DGLUCY: variants seen among roughly 807,000 people sequenced by gnomAD.
DGLUCY encodes D-glutamate cyclase, also known as D-glutamate cyclase, mitochondrial.
Under a neutral mutation model 58.5 loss-of-function variants are expected in DGLUCY, and 58 were observed. That is an observed-to-expected ratio of 0.99 (90% CI 0.80 to 1.23). DGLUCY has a LOEUF of 1.23. Ranked by LOEUF, DGLUCY falls within the 50% of genes most tolerant of loss-of-function variation. The pLI, the probability that DGLUCY is intolerant of heterozygous loss-of-function variation, is 0.00. For synonymous variants in DGLUCY, 325 were observed against 314.1 expected, an observed-to-expected ratio of 1.03 and a Z score of -0.37; for missense variants, 779 against 784.7, an observed-to-expected ratio of 0.99 and a Z score of 0.09.
At chr14:91,166,971 C>G (rs2048319389) in intron 3 of DGLUCY, among the ~76,000 whole-genome samples, 1 of 151,978 alleles carries the variant, frequency 6.6e-6, no homozygotes. Flanking sequence ...TTTTTAGTCT[C>G]TACTAAAAAT....
At chr14:91,198,554 C>G (rs984746702) in intron 10 of DGLUCY, among the ~76,000 whole-genome samples, 1 of 152,042 alleles carries the variant, frequency 6.6e-6, no homozygotes, top group Non-Finnish European at 1.5e-5. Context: ...ACCATGTTGC[C>G]CAGGCTGGTC....
chr14:91,116,942 CAAAAAAA>C (rs11442546), intron 1 of DGLUCY, among the ~76,000 whole-genome samples: 1 of 142,628 alleles, frequency 7.0e-6, no homozygotes, highest in Non-Finnish European at 1.5e-5. Context: ...GAGTCTGTCT[CAAAAAAA>C]AAAAAAGAAC....
upstream of DGLUCY, among the ~76,000 whole-genome samples, chr14:91,110,900 C>T (rs1380372095): frequency 6.6e-6 from 1 of 152,180 alleles, no homozygotes; most frequent in African/African-American, 2.4e-5. Context: ...AGTAACTCCT[C>T]GTTCTCCTTC....
intron 3 of DGLUCY, chr14:91,165,201 C>G: frequency 2.2e-6 from 1 of 456,014 alleles, no homozygotes; most frequent in Non-Finnish European, 4.4e-6. Flanking sequence ...TTTAACATAA[C>G]CGTTACGTGT....
chr14:91,173,720 G>C, intron 6 of DGLUCY: 1 of 340,580 alleles, frequency 2.9e-6, no homozygotes, highest in East Asian at 5.4e-5. Context: ...AGCTGTATCA[G>C]GGCTGGGCTT....
At chr14:91,160,743 A>G (rs1436664846) in intron 3 of DGLUCY, among the ~76,000 whole-genome samples, 1 of 152,134 alleles carries the variant, frequency 6.6e-6, no homozygotes, top group Non-Finnish European at 1.5e-5. Flanking sequence ...GTTTAACCAG[A>G]TTTTGATTCA....
chr14:91,139,918 A>T (rs1222813313), intron 1 of DGLUCY, among the ~76,000 whole-genome samples: 1 of 152,136 alleles, frequency 6.6e-6, no homozygotes, highest in East Asian at 1.9e-4. Flanking sequence ...ATGGAGGGGG[A>T]AGAGGGAGGC....
chr14:91,098,135 T>C (rs1337147680), intron 1 of DGLUCY, among the ~76,000 whole-genome samples: 1 of 152,194 alleles, frequency 6.6e-6, no homozygotes, highest in Admixed American at 6.6e-5. Context: ...ACAGCAGAGA[T>C]GATAGTAAAA....
intron 6 of DGLUCY, among the ~76,000 whole-genome samples, chr14:91,174,774 C>G (rs1054950499): frequency 1.3e-5 from 2 of 152,166 alleles, no homozygotes; most frequent in African/African-American, 2.4e-5. Flanking sequence ...CCCAGACTTG[C>G]AACTGGTGTC....
intron 5 of DGLUCY, among the ~76,000 whole-genome samples, chr14:91,171,398 G>A (rs768519297): frequency 2.0e-5 from 3 of 152,182 alleles, no homozygotes; most frequent in East Asian, 1.9e-4. Context: ...CACTGACCCC[G>A]ATGCTTATCA....
intron 1 of DGLUCY, among the ~76,000 whole-genome samples, chr14:91,091,629 A>G (rs1004278654): frequency 2.0e-5 from 3 of 152,224 alleles, no homozygotes; most frequent in African/African-American, 7.2e-5. Context: ...AGTTCTGACA[A>G]CTGGACAAAG....
chr14:91,117,309 G>C, intron 1 of DGLUCY, among the ~76,000 whole-genome samples: 1 of 152,154 alleles, frequency 6.6e-6, no homozygotes, highest in Non-Finnish European at 1.5e-5. Context: ...CAGGGTCTTT[G>C]TGACCTGTAT....
At chr14:91,175,839 A>G in intron 6 of DGLUCY, 95 bp from the exon 7 acceptor site, 1 of 1,398,914 alleles carries the variant, frequency 7.1e-7, no homozygotes, top group Non-Finnish European at 1.0e-6. Flanking sequence ...CTGCAATTTG[A>G]GTTTCTGTTT....
chr14:91,084,017 G>T (rs2044170585), intron 1 of DGLUCY, among the ~76,000 whole-genome samples: 2 of 152,070 alleles, frequency 1.3e-5, no homozygotes, highest in African/African-American at 4.8e-5. Context: ...TGGGAAGTAG[G>T]GAGTTTCTCT....
At chr14:91,077,254 GGAGAGAGAGAAAGAGA>G (rs1015249901) in intron 1 of DGLUCY, among the ~76,000 whole-genome samples, 4 of 150,298 alleles carry the variant, frequency 2.7e-5, no homozygotes, top group Admixed American at 1.3e-4. Context: ...CAAAGAGTGG[GGAGAGAGAGAAAGAGA>G]GAGAGAGAGA....
At chr14:91,141,175 C>T (rs1446607323) in intron 1 of DGLUCY, among the ~76,000 whole-genome samples, 1 of 152,012 alleles carries the variant, frequency 6.6e-6, no homozygotes, top group African/African-American at 2.4e-5. Flanking sequence ...CACTTGAGGC[C>T]AGGAGTTCAA....
At chr14:91,201,455 C>T (rs920684720) in intron 11 of DGLUCY, among the ~76,000 whole-genome samples, 18 of 152,064 alleles carry the variant, frequency 1.2e-4, no homozygotes, top group Non-Finnish European at 2.9e-5. Flanking sequence ...CATGCCACCA[C>T]GCCCAGCTAA....
At chr14:91,150,819 C>T (rs946920687) in intron 1 of DGLUCY, among the ~76,000 whole-genome samples, 1 of 152,100 alleles carries the variant, frequency 6.6e-6, no homozygotes, top group African/African-American at 2.4e-5. Flanking sequence ...ATACAGTTTA[C>T]CATTTTAATC....
chr14:91,166,179 G>A (rs2048271540), intron 3 of DGLUCY, among the ~76,000 whole-genome samples: 1 of 152,188 alleles, frequency 6.6e-6, no homozygotes, highest in African/African-American at 2.4e-5. Flanking sequence ...CCTTGATCTG[G>A]ATGCTGGTTA....
Sources: gnomAD v4.1 joint callset for allele counts (sites outside exome capture counted in the v4.1 genomes callset) on GRCh38, gnomAD v4.1.1 for gene constraint, MANE v1.5 for transcripts, NCBI Gene and HGNC (gene_info 2026-07-23, HGNC 2026-07-21) for gene names.